The following CCNH variants were observed in gnomAD, a reference collection of about 807,000 sequenced individuals.
CCNH encodes cyclin H, also known as cyclin-H.
In CCNH, 31 loss-of-function variants were observed where a neutral mutation model predicts 41.9. The observed-to-expected ratio is 0.74, with a 90% CI of 0.56 to 1.00. CCNH has a LOEUF of 1.00. CCNH is among the 50% of genes least tolerant of loss of function. The pLI, the probability that CCNH is intolerant of heterozygous loss-of-function variation, is 0.00. For synonymous variants in CCNH, 138 were observed against 136.1 expected (o/e 1.01, Z -0.10); for missense variants, 362 against 388.4 (o/e 0.93, Z 0.57).
intron 6 of CCNH, among the ~76,000 whole-genome samples, chr5:87,401,188 G>C (rs1484772770): frequency 6.6e-6 from 1 of 152,194 alleles, no homozygotes; most frequent in Non-Finnish European, 1.5e-5. Flanking sequence ...GCCTGTTCCA[G>C]CTTCCGATGG....
chr5:87,360,270 G>A (rs951991008), intron 9 of CCNH, among the ~76,000 whole-genome samples: 1 of 152,010 alleles, frequency 6.6e-6, no homozygotes, highest in South Asian at 2.1e-4. Context: ...GGAATTACAG[G>A]CACGCGCCAC....
downstream of CCNH, among the ~76,000 whole-genome samples, chr5:87,314,740 T>TA (rs1031605229): frequency 1.8e-4 from 27 of 146,924 alleles, no homozygotes; most frequent in East Asian, 9.8e-4. Context: ...GATGGTCATT[T>TA]AAAAAAAAAA....
chr5:87,318,018 A>G (rs1756480422), downstream of CCNH, among the ~76,000 whole-genome samples: 1 of 152,052 alleles, frequency 6.6e-6, no homozygotes, highest in Non-Finnish European at 1.5e-5. Context: ...TATAATAGAT[A>G]GTTGTAATGA....
intron 9 of CCNH, among the ~76,000 whole-genome samples, chr5:87,386,292 T>A (rs1295196717): frequency 6.6e-6 from 1 of 152,066 alleles, no homozygotes; most frequent in Non-Finnish European, 1.5e-5. Flanking sequence ...AGCATGGTTT[T>A]AAGTAGTCAG....
In CCNH at chr5:87,363,330, AT is replaced by A. The variant is rs60835976; in HGVS notation, c.*90+29439del. ...ACAATTGTTTGGCTAAGAGAAAACA[AT>A]TTTTTTTTTTAAACAGGCAAAGGAA... On this transcript the variant is annotated intron_variant and NMD_transcript_variant, in intron 9 of 9. Transcript: ENST00000645953. The A allele has an allele frequency of 0.026, 35,260 of 1,349,700 alleles. 588 individuals are homozygous for A. Among genetic ancestry groups the A allele is most frequent in the African/African-American group, 0.083 (5,706 of 68,812 alleles). 83.6% of individuals were successfully genotyped at this position (1,349,700 alleles called of 1,614,324 possible).
At chr5:87,321,385 A>T (rs1756790804) in intron 9 of CCNH, among the ~76,000 whole-genome samples, 1 of 152,148 alleles carries the variant, frequency 6.6e-6, no homozygotes, top group Non-Finnish European at 1.5e-5. Flanking sequence ...CTACCTAGAG[A>T]TAGTGTCAGA....
chr5:87,387,769 G>A (rs780124417), downstream of CCNH, among the ~76,000 whole-genome samples: 4 of 152,090 alleles, frequency 2.6e-5, no homozygotes, highest in Non-Finnish European at 5.9e-5. Context: ...GAAAAATTAT[G>A]GCATAGCTCC....
chr5:87,352,690 G>A (rs1759362520), intron 9 of CCNH, among the ~76,000 whole-genome samples: 3 of 151,118 alleles, frequency 2.0e-5, no homozygotes, highest in African/African-American at 4.9e-5. Context: ...CTTTTCATGT[G>A]TTTTATGACC....
chr5:87,382,213 A>G (rs774766839), intron 9 of CCNH, among the ~76,000 whole-genome samples: 9 of 152,164 alleles, frequency 5.9e-5, no homozygotes, highest in Non-Finnish European at 1.3e-4. Flanking sequence ...CGGCCTCCCA[A>G]AGTGTTGGAT....
At chr5:87,396,756 A>C (rs1009283111) in intron 7 of CCNH, among the ~76,000 whole-genome samples, 1 of 152,220 alleles carries the variant, frequency 6.6e-6, no homozygotes, top group Non-Finnish European at 1.5e-5. Context: ...TAAAATACCA[A>C]TGTGATACTT....
chr5:87,337,911 G>T, intron 9 of CCNH: 1 of 1,480,872 alleles, frequency 6.8e-7, no homozygotes, highest in South Asian at 1.3e-5. Flanking sequence ...TGTGGTATAT[G>T]ACTATTCTAA....
intron 9 of CCNH, among the ~76,000 whole-genome samples, chr5:87,333,578 T>C (rs1486799448): frequency 6.6e-6 from 1 of 152,200 alleles, no homozygotes; most frequent in Non-Finnish European, 1.5e-5. Flanking sequence ...TTTATTCCAC[T>C]GTCTCTCACA....
intron 9 of CCNH, chr5:87,370,003 C>T (rs571145131): frequency 4.7e-4 from 449 of 953,194 alleles, no homozygotes; most frequent in Non-Finnish European, 6.9e-4. Flanking sequence ...AGTGACAGAA[C>T]GCCTGAAATC....
At chr5:87,369,757 A>G in intron 9 of CCNH, 1 of 1,182,288 alleles carries the variant, frequency 8.5e-7, no homozygotes, top group Non-Finnish European at 1.2e-6. Flanking sequence ...AAGCTGGTAT[A>G]AATATTTTGC....
At chr5:87,333,349 T>A in intron 9 of CCNH, 2 of 1,612,702 alleles carry the variant, frequency 1.2e-6, no homozygotes, top group Non-Finnish European at 1.7e-6. Context: ...TATTTTATAA[T>A]CTATTCTCAT....
intron 9 of CCNH, among the ~76,000 whole-genome samples, chr5:87,336,810 T>A (rs375800441): frequency 6.6e-6 from 1 of 152,118 alleles, no homozygotes; most frequent in South Asian, 2.1e-4. Context: ...AGTGGTAATG[T>A]CTGCTGCCAT....
In CCNH at chr5:87,363,524, T is replaced by C. The variant is rs1392096796; in HGVS notation, c.*90+29246A>G. 1 of 1,605,522 alleles carries C rather than the reference T, an allele frequency of 6.2e-7. No individual in the cohort carries two copies. Among genetic ancestry groups the C allele is most frequent in the African/African-American group, 1.3e-5 (1 of 74,688 alleles). ...TGGCAGGTAAGAGACTGGTTTCCTA[T>C]TTTTCTTTCGGAATTGTCTTAATAA... On this transcript the variant is annotated intron_variant and NMD_transcript_variant, in intron 9 of 9. Coordinates refer to the CCNH transcript ENST00000645953.
chr5:87,363,557 G>A (rs1175167928), intron 9 of CCNH: 3 of 1,575,380 alleles, frequency 1.9e-6, no homozygotes, highest in Non-Finnish European at 2.6e-6. Flanking sequence ...TAATAAAATA[G>A]TACAAACAAA....
downstream of CCNH, chr5:87,391,215 A>G (rs1027635967): frequency 2.3e-6 from 1 of 440,332 alleles, no homozygotes; most frequent in South Asian, 2.6e-5. Flanking sequence ...CAGTACACCC[A>G]GTTGCCAAAG....
Sources: gnomAD v4.1 joint callset for allele counts (sites outside exome capture counted in the v4.1 genomes callset) on GRCh38, gnomAD v4.1.1 for gene constraint, MANE v1.5 for transcripts, NCBI Gene and HGNC (gene_info 2026-07-23, HGNC 2026-07-21) for gene names.